Variants in PRKAG3 observed in about 807,000 individuals in gnomAD.
PRKAG3 encodes the protein protein kinase AMP-activated non-catalytic subunit gamma 3.
A neutral mutation model predicts 56.5 loss-of-function variants in PRKAG3; 39 were observed. The observed-to-expected ratio is 0.69, with a 90% CI of 0.53 to 0.90. The LOEUF (loss-of-function observed/expected upper bound fraction) is 0.90, where lower values mean the gene tolerates loss of function less well. Among genes scored for constraint, PRKAG3 ranks in the 40% least tolerant of loss-of-function variants. The pLI is 0.00. For synonymous variants in PRKAG3, 243 were observed against 250.1 expected (o/e 0.97, Z 0.27); for missense variants, 628 against 627.5 (o/e 1.00, Z -0.01).
exon 13 of PRKAG3, chr2:218,823,805 G>A (rs945599970): frequency 1.2e-6 from 2 of 1,614,142 alleles, no homozygotes; most frequent in African/African-American, 1.3e-5. Context: ...GAGCACCAGT[G>A]CCTGAAGGAT....
chr2:218,829,551 C>A (rs958477849), intron 4 of PRKAG3, among the ~76,000 whole-genome samples: 13 of 151,890 alleles, frequency 8.6e-5, no homozygotes, highest in Non-Finnish European at 1.9e-4. Context: ...CGGTCTCGAA[C>A]TCCTGACCTT....
rs575179216 is a variant in PRKAG3, at chr2:218,825,763, C to CT, written c.1168+1164dup. 9.8e-3 allele frequency among the ~76,000 whole-genome samples: 1,324 copies of CT among 134,932 alleles called. 10 individuals are homozygous for CT. Among genetic ancestry groups the CT allele is most frequent in the Non-Finnish European group, 0.012 (739 of 62,160 alleles). 88.5% of individuals were successfully genotyped at this position (134,932 alleles called of 152,430 possible). ...GTTTTGTTTGGTGGTATAAAATGCA[C>CT]TTTTTTTTTTTTTTTTTGGAGTCTC... is the stretch of plus-strand genomic sequence containing the variant. On this transcript the variant is annotated intron_variant, in intron 10 of 12. Transcript: ENST00000529249.
At position 218,827,998 on chromosome 2, in the gene PRKAG3, C is replaced by T; in HGVS notation, c.774+6G>A. The stretch of plus-strand genomic sequence containing the variant: ...GTGCCCATAAGATTCCCAGCCCACT[C>T]CTCACCAGGGGGGACCTGTAGTAGC... On this transcript the variant is annotated splice_donor_region_variant and intron_variant, in intron 6 of 12. Transcript: ENST00000529249. This position sits in a 1 kb window ranked among gnomAD's most constrained non-coding sequence, Gnocchi z 5.3. The T allele has an allele frequency of 6.3e-7, 1 of 1,576,308 alleles. No homozygotes were observed. Among genetic ancestry groups the T allele is most frequent in the Non-Finnish European group, 8.6e-7 (1 of 1,159,808 alleles).
chr2:218,826,540 T>A (rs1185945566), intron 10 of PRKAG3: 1 of 301,538 alleles, frequency 3.3e-6, no homozygotes, highest in Admixed American at 4.3e-5. Flanking sequence ...ACTCCTGGCC[T>A]CAAGCGACCT....
chr2:218,828,905 G>A (rs953260539), intron 4 of PRKAG3, among the ~76,000 whole-genome samples: 3 of 152,158 alleles, frequency 2.0e-5, no homozygotes, highest in Non-Finnish European at 4.4e-5. Context: ...CCATTTGGAG[G>A]GTATGTGTGT....
intron 1 of PRKAG3, 85 bp from the exon 2 acceptor site, chr2:218,831,460 C>T: frequency 1.6e-6 from 2 of 1,255,456 alleles, no homozygotes; most frequent in Non-Finnish European, 2.2e-6. Flanking sequence ...CCTACACACC[C>T]ATGCACACCA....
In PRKAG3 at chr2:218,827,659, G is replaced by T. The variant is rs542651044; in HGVS notation, c.821-30C>A. ...AGAAAGAGCCAGAGTCAGGCCAGGGGAGCCGGTCACCTGCCTCACCTTGCA... is the reference window on the plus strand; with the variant it reads ...AGAAAGAGCCAGAGTCAGGCCAGGGTAGCCGGTCACCTGCCTCACCTTGCA... On this transcript the variant is annotated intron_variant, in intron 7 of 12. Coordinates refer to ENST00000529249, the Ensembl canonical transcript of PRKAG3. This position sits in a 1 kb window ranked among gnomAD's most constrained non-coding sequence, Gnocchi z 5.3. The T allele has an allele frequency of 1.9e-6, 3 of 1,612,338 alleles. No homozygotes were observed. Among genetic ancestry groups the T allele is most frequent in the African/African-American group, 1.3e-5 (1 of 74,936 alleles).
Position 218,824,482 on chromosome 2 carries a change from A to T in PRKAG3, c.1206+57T>A, listed in dbSNP as rs1575210296. 4.5e-6 allele frequency: 7 copies of T among 1,569,002 alleles called. No individual in the cohort carries two copies. The East Asian group carries it at 1.6e-4, about 35-fold the overall frequency. On this transcript the variant is annotated intron_variant, in intron 11 of 12. Transcript: ENST00000529249. ...TCCCCCTGGTCCACAGAGGCCCCCC[A>T]CCCATCCCCACACCCTTAGCCTCCC...
chr2:218,822,816 G>T, downstream of PRKAG3: 1 of 907,372 alleles, frequency 1.1e-6, no homozygotes, highest in Non-Finnish European at 1.3e-6. Context: ...GAAGGCTGAA[G>T]CCATAGGTAG....
At chr2:218,823,861 T>C in exon 13 of PRKAG3, 1 of 1,613,990 alleles carries the variant, frequency 6.2e-7, no homozygotes, top group Non-Finnish European at 8.5e-7. Context: ...TCTCGTCCAC[T>C]AGCACCAGCC....
chr2:218,830,548 A>G (rs751941056), intron 3 of PRKAG3, among the ~76,000 whole-genome samples, 167 bp from the exon 4 acceptor site: 3 of 152,166 alleles, frequency 2.0e-5, no homozygotes, highest in Non-Finnish European at 4.4e-5. Flanking sequence ...GCTCTGTCCC[A>G]TCTTTCTGAG....
rs772093732 is a variant in PRKAG3, at chr2:218,827,348, T to A, written c.901A>T (p.Ile301Phe). Residue 301 changes from isoleucine to phenylalanine, a missense_variant, in exon 9 of 13, where the codon ATC becomes TTC. Ile to Phe is a conservative substitution (Grantham distance 21). Coordinates refer to ENST00000529249, the Ensembl canonical transcript of PRKAG3. This position sits in a 1 kb window ranked among gnomAD's most constrained non-coding sequence, Gnocchi z 5.3. ...GGCAGGCGATGGATCCGGTTCTTGA[T>A]GAGGGTGTAGACAGCTTCAAACAGG... 1.2e-6 allele frequency: 2 copies of A among 1,614,046 alleles called. 1 individual carries two copies. The highest frequency in any genetic ancestry group is 3.3e-4 in the Middle Eastern group (2 of 6,062).
chr2:218,828,743 C>A, intron 4 of PRKAG3, 143 bp from the exon 5 acceptor site: 1 of 621,340 alleles, frequency 1.6e-6, no homozygotes, highest in East Asian at 2.8e-5. Flanking sequence ...CTCCTGGACC[C>A]TCCTCTACAC....
intron 3 of PRKAG3, 114 bp from the exon 4 acceptor site, chr2:218,830,495 A>G: frequency 7.2e-7 from 1 of 1,380,580 alleles, no homozygotes. Context: ...CTGTGGCCCT[A>G]TTTGCAGGTG....
At position 218,827,582 on chromosome 2, in the gene PRKAG3, T is replaced by C. The variant is rs1199274409; in HGVS notation, c.868A>G (p.Asn290Asp). Residue 290 changes from asparagine to aspartate, a missense_variant, in exon 8 of 13, where the codon AAT becomes GAT. Transcript: ENST00000529249. This position sits in a 1 kb window ranked among gnomAD's most constrained non-coding sequence, Gnocchi z 5.3. ...ATGAGCAGAGACACCCACCTATCATTAGGAGAGATGGAGACCAGAGGCTTG... is the reference window on the plus strand; with the variant it reads ...ATGAGCAGAGACACCCACCTATCATCAGGAGAGATGGAGACCAGAGGCTTG... 2 of 1,613,626 alleles carry C rather than the reference T, an allele frequency of 1.2e-6. No homozygotes were observed. Among genetic ancestry groups the C allele is most frequent in the Non-Finnish European group, 1.7e-6 (2 of 1,179,704 alleles).
Position 218,824,584 on chromosome 2 carries a change from G to C in PRKAG3, c.1169-8C>G, listed in dbSNP as rs1390797252. Reference sequence around the variant, plus strand: ...AGAGGCCCACGACCTGACCTGCAGAGGGTGGTTGTGGGGGGTGGGGGGAGA... The same window carrying C: ...AGAGGCCCACGACCTGACCTGCAGACGGTGGTTGTGGGGGGTGGGGGGAGA... On this transcript the variant is annotated splice_region_variant and splice_polypyrimidine_tract_variant and intron_variant, in intron 10 of 12. Transcript: ENST00000529249. 6.2e-7 allele frequency: 1 copy of C among 1,609,764 alleles called. No homozygotes were observed. Among genetic ancestry groups the C allele is most frequent in the African/African-American group, 1.3e-5 (1 of 74,808 alleles).
At chr2:218,825,035 A>C (rs558899306) in intron 10 of PRKAG3, among the ~76,000 whole-genome samples, 6 of 152,314 alleles carry the variant, frequency 3.9e-5, no homozygotes, top group African/African-American at 1.4e-4. Context: ...ACGAATGTAA[A>C]CCATGGACTT....
chr2:218,828,073 G>C lies in PRKAG3; in HGVS notation c.716-11C>G. 1.3e-6 allele frequency: 2 copies of C among 1,554,384 alleles called. No individual in the cohort carries two copies. Among genetic ancestry groups the C allele is most frequent in the Non-Finnish European group, 1.7e-6 (2 of 1,148,326 alleles). ...TGATGGTCAGCATCCCTGCAGGGAGGGGCGGGGAGGAGGTCAGCCCGGGGC... is the reference window on the plus strand; with the variant it reads ...TGATGGTCAGCATCCCTGCAGGGAGCGGCGGGGAGGAGGTCAGCCCGGGGC... On this transcript the variant is annotated splice_polypyrimidine_tract_variant and intron_variant, in intron 5 of 12. Coordinates refer to ENST00000529249, the Ensembl canonical transcript of PRKAG3.
At chr2:218,822,752 G>GT, downstream of PRKAG3, 1 of 361,766 alleles carries the variant, frequency 2.8e-6, no homozygotes, top group Non-Finnish European at 3.8e-6. Context: ...AGCCTGGAGA[G>GT]TAGGAGGGCA....
Sources: allele counts gnomAD v4.1 joint callset (sites outside exome capture counted in the v4.1 genomes callset), GRCh38; gene constraint gnomAD v4.1.1; non-coding constraint Gnocchi (gnomAD v3.1); transcripts MANE v1.5; gene names NCBI Gene and HGNC (gene_info 2026-07-23, HGNC 2026-07-21).